DDAH1: variants seen among roughly 807,000 people sequenced by gnomAD.
DDAH1 encodes the protein dimethylarginine dimethylaminohydrolase 1.
A neutral mutation model predicts 28.8 loss-of-function variants in DDAH1; 19 were observed. The ratio of observed to expected loss-of-function variants is 0.66; its 90% CI spans 0.46 to 0.97. The LOEUF is 0.97. Ranked by LOEUF, DDAH1 falls within the 50% of genes least tolerant of loss-of-function variation. The probability of loss-of-function intolerance (pLI) is 0.00; values close to 1 mark genes in which losing one functional copy is unlikely to be tolerated. For missense variants in DDAH1, 326 were observed against 375.9 expected (o/e 0.87, Z 1.10); for synonymous variants, 153 against 154.4 (o/e 0.99, Z 0.07).
chr1:85,327,642 C>G (rs574127935), intron 4 of DDAH1, among the ~76,000 whole-genome samples: 24 of 152,246 alleles, frequency 1.6e-4, no homozygotes, highest in East Asian at 1.2e-3. Context: ...GGGTCTGAAG[C>G]CTTGCTCAGC....
Position 85,320,542 on chromosome 1 carries a change from A to G in DDAH1, c.*910T>C, listed in dbSNP as rs1661283055. On this transcript the variant is annotated 3_prime_UTR_variant, in exon 6 of 6. Coordinates refer to ENST00000284031, the MANE Select transcript of DDAH1 (RefSeq NM_012137.4). ...GGAAAAAAAAAAAAGAGTTCCTCCA[A>G]GGTCATATATGGTCAGTAATGAAGC... The G allele has an allele frequency of 6.6e-6, 1 of 152,248 alleles. No individual in the cohort carries two copies. Among genetic ancestry groups the G allele is most frequent in the South Asian group, 2.1e-4 (1 of 4,830 alleles). The allele number at this position is 152,248 out of a possible 1,614,324, so 9.4% of individuals were successfully genotyped here.
At chr1:85,529,210 A>T (rs1486133296) in intron 1 of DDAH1, among the ~76,000 whole-genome samples, 3 of 152,162 alleles carry the variant, frequency 2.0e-5, no homozygotes, top group African/African-American at 7.2e-5. Context: ...TCCTGACTCT[A>T]ATTCAGAGGT....
At chr1:85,525,036 T>C (rs1490573290) in intron 1 of DDAH1, among the ~76,000 whole-genome samples, 1 of 138,864 alleles carries the variant, frequency 7.2e-6, no homozygotes, top group African/African-American at 2.6e-5. Context: ...TTGAAATGAA[T>C]GCTATAGAAA....
intron 1 of DDAH1, among the ~76,000 whole-genome samples, chr1:85,422,942 T>G (rs1352046153): frequency 1.3e-5 from 2 of 152,132 alleles, no homozygotes; most frequent in African/African-American, 2.4e-5. Context: ...CACCCTAATC[T>G]CAAGATGTCC....
At chr1:85,538,399 A>C (rs1658358186) in intron 1 of DDAH1, among the ~76,000 whole-genome samples, 1 of 152,236 alleles carries the variant, frequency 6.6e-6, no homozygotes, top group South Asian at 2.1e-4. Context: ...CTTCAAGGTG[A>C]ATCAGGCTAA....
intron 1 of DDAH1, among the ~76,000 whole-genome samples, chr1:85,577,259 C>G (rs1215590244): frequency 2.0e-5 from 3 of 152,186 alleles, no homozygotes; most frequent in African/African-American, 7.2e-5. Context: ...GTCGGCCACC[C>G]AGTTCCTGCC....
chr1:85,488,459 G>A (rs1349840137), intron 2 of DDAH1: 3 of 152,090 alleles, frequency 2.0e-5, no homozygotes, highest in East Asian at 1.9e-4. Context: ...ATCACATCAT[G>A]AGAGTCCCAC....
chr1:85,538,487 C>G (rs1287911515), intron 1 of DDAH1, among the ~76,000 whole-genome samples: 2 of 152,122 alleles, frequency 1.3e-5, no homozygotes, highest in African/African-American at 4.8e-5. Context: ...CACCCGGGGG[C>G]CTACCTCAAT....
chr1:85,395,731 T>G (rs1020106339), intron 1 of DDAH1, among the ~76,000 whole-genome samples: 1 of 151,998 alleles, frequency 6.6e-6, no homozygotes, highest in Non-Finnish European at 1.5e-5. Context: ...GCACGAGGTC[T>G]TTGCAAGTTT....
At chr1:85,491,316 C>G (rs1161940072) in intron 2 of DDAH1, among the ~76,000 whole-genome samples, 1 of 152,090 alleles carries the variant, frequency 6.6e-6, no homozygotes, top group Non-Finnish European at 1.5e-5. Context: ...TTATATTACT[C>G]CATCTTCCTG....
intron 1 of DDAH1, among the ~76,000 whole-genome samples, chr1:85,449,257 T>C (rs1395416197): frequency 6.6e-6 from 1 of 152,062 alleles, no homozygotes; most frequent in Non-Finnish European, 1.5e-5. Context: ...TGCAGACATA[T>C]GAGAAGGTTG....
chr1:85,453,159 T>C (rs1409115507), intron 1 of DDAH1, among the ~76,000 whole-genome samples: 1 of 152,224 alleles, frequency 6.6e-6, no homozygotes, highest in Non-Finnish European at 1.5e-5. Context: ...CTTGTGTGTT[T>C]TTTGGCATTT....
At chr1:85,463,453 T>C (rs1022584654) in intron 1 of DDAH1, among the ~76,000 whole-genome samples, 3 of 152,242 alleles carry the variant, frequency 2.0e-5, no homozygotes, top group African/African-American at 4.8e-5. Flanking sequence ...TGGGATTACA[T>C]TCCTTATCAG....
At chr1:85,524,209 A>G (rs1242747693) in intron 1 of DDAH1, among the ~76,000 whole-genome samples, 2 of 151,210 alleles carry the variant, frequency 1.3e-5, no homozygotes, top group African/African-American at 4.9e-5. Flanking sequence ...ACATACTACA[A>G]AGAGGTAGGG....
chr1:85,336,082 A>C (rs1648099537), intron 4 of DDAH1, among the ~76,000 whole-genome samples: 1 of 152,174 alleles, frequency 6.6e-6, no homozygotes, highest in Non-Finnish European at 1.5e-5. Flanking sequence ...GGACTTCAAC[A>C]CTCCACTCTC....
intron 1 of DDAH1, among the ~76,000 whole-genome samples, chr1:85,539,363 C>T (rs1320617489): frequency 6.6e-6 from 1 of 152,054 alleles, no homozygotes; most frequent in African/African-American, 2.4e-5. Flanking sequence ...GCCAGGCTGG[C>T]CTCAAACTCC....
chr1:85,402,148 A>G lies in DDAH1; in HGVS notation c.304-43301T>C, dbSNP rs920100415. On this transcript the variant is annotated intron_variant, in intron 1 of 5. Transcript: ENST00000284031. The stretch of plus-strand genomic sequence containing the variant: ...CTACAGGTACGCAACCACCACTCCC[A>G]GCTAATACTTCTATTTTTTTTTTTT... 2.7e-5 allele frequency among the ~76,000 whole-genome samples: 4 copies of G among 146,362 alleles called. No individual in the cohort carries two copies. The Admixed American group carries it at 2.8e-4, about 10-fold the overall frequency.
At chr1:85,411,320 A>T (rs1652645148) in intron 1 of DDAH1, among the ~76,000 whole-genome samples, 1 of 152,242 alleles carries the variant, frequency 6.6e-6, no homozygotes, top group Non-Finnish European at 1.5e-5. Flanking sequence ...AGTAATATTT[A>T]AAAAACAAAC....
intron 1 of DDAH1, among the ~76,000 whole-genome samples, chr1:85,362,692 A>G (rs1649856188): frequency 6.6e-6 from 1 of 152,160 alleles, no homozygotes; most frequent in Non-Finnish European, 1.5e-5. Flanking sequence ...CTTTCTCTCT[A>G]ACAGGGATTA....
Sources: allele counts gnomAD v4.1 joint callset (sites outside exome capture counted in the v4.1 genomes callset), GRCh38; gene constraint gnomAD v4.1.1; transcripts MANE v1.5; gene names NCBI Gene and HGNC (gene_info 2026-07-23, HGNC 2026-07-21).